Variants in CLNK observed in about 807,000 individuals in gnomAD.
The protein encoded by CLNK is cytokine-dependent hematopoietic cell linker.
In CLNK, 74 loss-of-function variants were observed where a neutral mutation model predicts 68.6. The ratio of observed to expected loss-of-function variants is 1.08; its 90% CI spans 0.89 to 1.31. The LOEUF (loss-of-function observed/expected upper bound fraction) is 1.31. Ranked by LOEUF, CLNK falls within the 50% of genes most tolerant of loss-of-function variation. The pLI is 0.00. For synonymous variants in CLNK, 198 were observed against 172.2 expected (o/e 1.15, Z -1.17); for missense variants, 553 against 515.3 (o/e 1.07, Z -0.71).
chr4:10,569,441 G>T (rs534597966), intron 5 of CLNK, among the ~76,000 whole-genome samples: 1 of 152,278 alleles, frequency 6.6e-6, no homozygotes, highest in South Asian at 2.1e-4. Context: ...GTAGTCATTT[G>T]CATCCCAAGG....
chr4:10,734,607 G>A, the CLNK span, among the ~76,000 whole-genome samples: 1 of 152,162 alleles, frequency 6.6e-6, no homozygotes, highest in South Asian at 2.1e-4. Flanking sequence ...CTAGATTATG[G>A]CCAAATCCCA....
the CLNK span, among the ~76,000 whole-genome samples, chr4:10,707,173 TAGA>T: frequency 1.3e-5 from 2 of 152,054 alleles, no homozygotes; most frequent in Non-Finnish European, 2.9e-5. Context: ...GCCACATTGG[TAGA>T]AGAATTGTCT....
At chr4:10,732,966 T>A in the CLNK span, among the ~76,000 whole-genome samples, 1 of 152,218 alleles carries the variant, frequency 6.6e-6, no homozygotes, top group Admixed American at 6.5e-5. Flanking sequence ...CTCTGACATT[T>A]CATTTTAGGA....
At chr4:10,558,110 T>G (rs954035537) in intron 8 of CLNK, among the ~76,000 whole-genome samples, 1 of 152,230 alleles carries the variant, frequency 6.6e-6, no homozygotes, top group East Asian at 1.9e-4. Flanking sequence ...CTTGGAGAGA[T>G]AACATGATTA....
chr4:10,565,582 C>CT (rs111889105), intron 6 of CLNK, among the ~76,000 whole-genome samples: 48 of 150,328 alleles, frequency 3.2e-4, no homozygotes, highest in African/African-American at 7.8e-4. Context: ...GTTAAAAAGT[C>CT]TTTTTTTTTT....
At chr4:10,635,301 T>C (rs1723036867) in intron 2 of CLNK, among the ~76,000 whole-genome samples, 1 of 152,200 alleles carries the variant, frequency 6.6e-6, no homozygotes, top group Non-Finnish European at 1.5e-5. Flanking sequence ...TCACATGTTC[T>C]GCCTCTCCTG....
intron 1 of CLNK, among the ~76,000 whole-genome samples, chr4:10,671,156 C>A (rs568720554): frequency 6.6e-6 from 1 of 151,960 alleles, no homozygotes; most frequent in South Asian, 2.1e-4. Context: ...GAGGCCGAGG[C>A]GACTGGATCA....
At chr4:10,607,878 T>C (rs191187928) in intron 2 of CLNK, among the ~76,000 whole-genome samples, 5 of 152,352 alleles carry the variant, frequency 3.3e-5, no homozygotes, top group Admixed American at 3.3e-4. Flanking sequence ...CTATAAGCCC[T>C]GGTTATTGAA....
chr4:10,610,147 T>C (rs1365948923), intron 2 of CLNK, among the ~76,000 whole-genome samples: 2 of 138,948 alleles, frequency 1.4e-5, no homozygotes, highest in African/African-American at 2.6e-5. Context: ...AGCTCCGCCT[T>C]CCGGGTTCAC....
At chr4:10,658,704 C>T (rs116463685) in intron 2 of CLNK, among the ~76,000 whole-genome samples, 1,754 of 152,274 alleles carry the variant, frequency 0.012, 29 homozygotes, top group African/African-American at 0.04. Context: ...AGGCAGGAAG[C>T]AGAGCTGGCC....
chr4:10,660,837 C>T (rs1180079678), intron 2 of CLNK, among the ~76,000 whole-genome samples: 1 of 152,228 alleles, frequency 6.6e-6, no homozygotes, highest in Non-Finnish European at 1.5e-5. Context: ...ATGTCTGCAA[C>T]CTCTGGCAAA....
At chr4:10,571,621 C>T in intron 5 of CLNK, 120 bp downstream of exon 5, 1 of 785,148 alleles carries the variant, frequency 1.3e-6, no homozygotes, top group South Asian at 1.6e-5. Context: ...CAGGTGTGAA[C>T]CACTGCACGC....
intron 2 of CLNK, among the ~76,000 whole-genome samples, chr4:10,639,923 G>T (rs1416271579): frequency 6.6e-6 from 1 of 152,190 alleles, no homozygotes; most frequent in Non-Finnish European, 1.5e-5. Flanking sequence ...ACATAAAGTG[G>T]AATATAACTA....
At chr4:10,690,451 G>A in the CLNK span, among the ~76,000 whole-genome samples, 1 of 152,088 alleles carries the variant, frequency 6.6e-6, no homozygotes, top group African/African-American at 2.4e-5. Context: ...GTATGTGAAT[G>A]TAGAAAGAGC....
intron 1 of CLNK, among the ~76,000 whole-genome samples, chr4:10,673,544 C>A (rs1724748446): frequency 6.6e-6 from 1 of 152,082 alleles, no homozygotes; most frequent in Non-Finnish European, 1.5e-5. Context: ...TGGAAACCAT[C>A]ATTCTCAGCA....
intron 11 of CLNK, among the ~76,000 whole-genome samples, chr4:10,537,706 C>CCTTGCTTTCTTTCTTTCTTT (rs1553848181): frequency 3.7e-4 from 5 of 13,404 alleles, no homozygotes; most frequent in African/African-American, 1.3e-3. Context: ...TTCCTTCCTT[C>CCTTGCTTTCTTTCTTTCTTT]CTTTCTTTCT....
chr4:10,727,097 G>C, the CLNK span, among the ~76,000 whole-genome samples: 1 of 152,282 alleles, frequency 6.6e-6, no homozygotes, highest in East Asian at 1.9e-4. Flanking sequence ...AGCAGGCACA[G>C]GGGACATGTG....
chr4:10,557,008 G>A lies in CLNK; in HGVS notation c.445+1399C>T, dbSNP rs1441206194. ...GGAGAATTGCTTGAGCCAGGGAGGC[G>A]GAGGTTGCAGTGAGCCAAGATCACG... On this transcript the variant is annotated intron_variant, in intron 8 of 18. Coordinates refer to ENST00000226951, the MANE Select transcript of CLNK (RefSeq NM_052964.4). 4.0e-5 allele frequency among the ~76,000 whole-genome samples: 6 copies of A among 151,896 alleles called. No homozygotes were observed. The South Asian group carries it at 6.3e-4, about 16-fold the overall frequency.
chr4:10,521,997 G>T (rs1365654321), intron 14 of CLNK, among the ~76,000 whole-genome samples: 1 of 152,178 alleles, frequency 6.6e-6, no homozygotes, highest in Admixed American at 6.5e-5. Flanking sequence ...GTTGGCTCAC[G>T]CGTGTAATCC....
Sources: allele counts gnomAD v4.1 joint callset (sites outside exome capture counted in the v4.1 genomes callset), GRCh38; gene constraint gnomAD v4.1.1; transcripts MANE v1.5; gene names NCBI Gene and HGNC (gene_info 2026-07-23, HGNC 2026-07-21).